The following KANSL3 variants were observed in gnomAD, a reference collection of about 807,000 sequenced individuals.
KANSL3 encodes the protein NSL complex protein NSL3.
A neutral mutation model predicts 89.2 loss-of-function variants in KANSL3; 16 were observed. That is an observed-to-expected ratio of 0.18 (90% confidence interval 0.12 to 0.27). KANSL3 has a LOEUF of 0.27. KANSL3 is among the 10% of genes least tolerant of loss of function. The probability of loss-of-function intolerance (pLI) is 1.00; values close to 1 mark genes in which losing one functional copy is unlikely to be tolerated. For missense variants in KANSL3, 879 were observed against 1,110.6 expected (o/e 0.79, Z 2.96); for synonymous variants, 385 against 419.7 (o/e 0.92, Z 1.01).
intron 3 of KANSL3, among the ~76,000 whole-genome samples, chr2:96,630,387 G>C (rs997233675): frequency 1.3e-5 from 2 of 152,038 alleles, no homozygotes; most frequent in African/African-American, 4.8e-5. Context: ...GATAAACCTT[G>C]AAAACATCAT....
chr2:96,628,075 C>A, intron 3 of KANSL3: 1 of 1,290,304 alleles, frequency 7.8e-7, no homozygotes, highest in South Asian at 1.2e-5. Flanking sequence ...GGTGGTGGTC[C>A]ACAAGGAGAC....
chr2:96,606,996 G>A (rs1309475425), intron 14 of KANSL3: 1 of 1,289,678 alleles, frequency 7.8e-7, no homozygotes, highest in Non-Finnish European at 1.0e-6. Flanking sequence ...GGTGCCAGGA[G>A]GAAGAGCTTT....
intron 5 of KANSL3, chr2:96,615,632 CG>C: frequency 1.9e-6 from 1 of 524,750 alleles, no homozygotes; most frequent in Non-Finnish European, 3.1e-6. Context: ...AAAAGTACTA[CG>C]GTTTGATGCA....
In KANSL3 at chr2:96,602,237, G is replaced by C; in HGVS notation, c.2361C>G (p.Ser787=). 6.2e-7 allele frequency: 1 copy of C among 1,611,694 alleles called. No homozygotes were observed. The highest frequency in any genetic ancestry group is 1.1e-5 in the South Asian group (1 of 90,280). ...VRTIPVATTL[S]SLGATPGGKP... The stretch of plus-strand genomic sequence containing the variant: ...TCCCACCAGGAGTGGCACCCAAGGA[G>C]GAGAGAGTGGTGGCCACAGGAATGG... The change falls in exon 19 of 21, where the codon TCC becomes TCG. Residue 787 remains serine (S), a synonymous_variant. Coordinates refer to ENST00000431828, the MANE Select transcript of KANSL3 (RefSeq NM_001115016.3).
downstream of KANSL3, among the ~76,000 whole-genome samples, chr2:96,590,673 T>C (rs1427086969): frequency 6.6e-6 from 1 of 151,986 alleles, no homozygotes; most frequent in Non-Finnish European, 1.5e-5. Flanking sequence ...TGAAAACTCA[T>C]GTTCTCATTT....
chr2:96,631,505 G>T, intron 2 of KANSL3, 23 bp from the exon 3 acceptor site: 1 of 1,554,190 alleles, frequency 6.4e-7, no homozygotes, highest in South Asian at 1.2e-5. Context: ...GAGGAAATAG[G>T]ACCGGGCCAC....
intron 2 of KANSL3, 120 bp from the exon 3 acceptor site, chr2:96,631,602 T>C (rs1235882578): frequency 8.4e-6 from 10 of 1,195,404 alleles, no homozygotes; most frequent in Admixed American, 4.0e-5. Context: ...ATAAGCACAT[T>C]ATATTCACAA....
rs936304811 is a variant in KANSL3, at chr2:96,595,425, C to T, written c.*186G>A. The T allele has an allele frequency of 1.8e-6, 1 of 570,440 alleles. No individual in the cohort carries two copies. The allele number at this position is 570,440 out of a possible 1,614,324, so 35.3% of individuals were successfully genotyped here. A position where few individuals can be genotyped will look rare whatever the true frequency, so the allele number is the denominator to read the frequency against. ...TTGCAGATCCTGGACGATGGTGCTT[C>T]CCTTGCTGGCACCGTATCACCTAAC... On this transcript the variant is annotated 3_prime_UTR_variant, in exon 21 of 21. Coordinates refer to ENST00000431828, the MANE Select transcript of KANSL3 (RefSeq NM_001115016.3).
intron 3 of KANSL3, among the ~76,000 whole-genome samples, chr2:96,629,374 G>A (rs752307026): frequency 6.6e-6 from 1 of 152,104 alleles, no homozygotes; most frequent in Non-Finnish European, 1.5e-5. Context: ...CCAGACTGGA[G>A]TGCAATGGCA....
chr2:96,607,490 A>G (rs542990067), intron 14 of KANSL3, among the ~76,000 whole-genome samples: 3 of 152,274 alleles, frequency 2.0e-5, no homozygotes, highest in Non-Finnish European at 2.9e-5. Context: ...ACAGCAGACC[A>G]CCAGCTCTGT....
chr2:96,635,084 C>G (rs1172684449), intron 2 of KANSL3, among the ~76,000 whole-genome samples: 1 of 152,154 alleles, frequency 6.6e-6, no homozygotes, highest in African/African-American at 2.4e-5. Flanking sequence ...ATTTCTGGCC[C>G]ATCTCAGTCC....
chr2:96,613,453 T>A (rs949571899), intron 6 of KANSL3, 35 bp downstream of exon 6: 4 of 1,562,804 alleles, frequency 2.6e-6, no homozygotes, highest in Non-Finnish European at 3.5e-6. Flanking sequence ...AAAATTTTTA[T>A]GTACCATTGT....
chr2:96,584,279 T>C, the KANSL3 span, among the ~76,000 whole-genome samples: 7 of 152,272 alleles, frequency 4.6e-5, no homozygotes, highest in East Asian at 1.4e-3. Context: ...GCCTCCCAAA[T>C]TGCTTAGATT....
At chr2:96,581,407 G>C in the KANSL3 span, among the ~76,000 whole-genome samples, 2 of 148,956 alleles carry the variant, frequency 1.3e-5, no homozygotes, top group South Asian at 2.1e-4. Context: ...CTGGGCGACA[G>C]AGCAAGACTC....
At chr2:96,627,795 C>A in intron 3 of KANSL3, 1 of 614,046 alleles carries the variant, frequency 1.6e-6, no homozygotes, top group South Asian at 1.6e-5. Context: ...ATAATCAGAG[C>A]AGAAGGAACT....
chr2:96,595,884 C>A (rs997948266), intron 20 of KANSL3, among the ~76,000 whole-genome samples: 1 of 152,162 alleles, frequency 6.6e-6, no homozygotes, highest in South Asian at 2.1e-4. Context: ...TCCTTTTCCT[C>A]GCCTGTAAGA....
intron 14 of KANSL3, among the ~76,000 whole-genome samples, chr2:96,607,692 C>A (rs1293577321): frequency 2.0e-5 from 3 of 152,214 alleles, no homozygotes; most frequent in Non-Finnish European, 4.4e-5. Context: ...GTCTGGGTTT[C>A]GGTTCTGATC....
Position 96,604,232 on chromosome 2 carries a change from T to A in KANSL3, c.2149+18A>T, listed in dbSNP as rs745779715. The A allele has an allele frequency of 3.2e-6, 5 of 1,584,752 alleles. No homozygotes were observed. Among genetic ancestry groups the A allele is most frequent in the Non-Finnish European group, 4.3e-6 (5 of 1,167,886 alleles). On this transcript the variant is annotated intron_variant, in intron 17 of 20. Coordinates refer to ENST00000431828, the MANE Select transcript of KANSL3 (RefSeq NM_001115016.3). The stretch of plus-strand genomic sequence containing the variant: ...AAAATTCTGTGTTGGAAGGGGAGAA[T>A]GCTGGGCCACAAGATACCTGGGAGG...
intron 11 of KANSL3, 127 bp downstream of exon 11, chr2:96,610,599 G>A: frequency 1.9e-6 from 2 of 1,041,716 alleles, no homozygotes; most frequent in East Asian, 5.2e-5. Context: ...ACAGGCGTGA[G>A]CCACCGCGCC....
Sources: gnomAD v4.1 joint callset for allele counts (sites outside exome capture counted in the v4.1 genomes callset) on GRCh38, gnomAD v4.1.1 for gene constraint, MANE v1.5 for transcripts, NCBI Gene and HGNC (gene_info 2026-07-23, HGNC 2026-07-21) for gene names.